Variants in CLGN observed in about 807,000 individuals in gnomAD.
CLGN encodes calmegin.
A neutral mutation model predicts 79.1 loss-of-function variants in CLGN; 62 were observed. That is an observed-to-expected ratio of 0.78 (90% CI 0.64 to 0.97). The LOEUF (loss-of-function observed/expected upper bound fraction) is 0.97, where lower values mean the gene tolerates loss of function less well. Among genes scored for constraint, CLGN ranks in the 50% least tolerant of loss-of-function variants. The pLI, the probability that CLGN is intolerant of heterozygous loss-of-function variation, is 0.00. For missense variants in CLGN, 647 were observed against 715.5 expected (o/e 0.90, Z 1.09); for synonymous variants, 225 against 224.7 (o/e 1.00, Z -0.01).
chr4:140,390,600 A>G (rs1322638887), intron 14 of CLGN, 28 bp downstream of exon 14: 2 of 1,487,916 alleles, frequency 1.3e-6, no homozygotes, highest in Non-Finnish European at 1.8e-6. Context: ...TAACAACTAT[A>G]CATAGAAACC....
chr4:140,399,079 G>C, intron 7 of CLGN, 39 bp from the exon 8 acceptor site: 1 of 1,498,478 alleles, frequency 6.7e-7, no homozygotes, highest in Non-Finnish European at 9.1e-7. Context: ...TTATCATTTT[G>C]ATATACGCTT....
At chr4:140,411,035 T>C (rs980424008) in intron 2 of CLGN, among the ~76,000 whole-genome samples, 10 of 152,020 alleles carry the variant, frequency 6.6e-5, no homozygotes, top group African/African-American at 2.4e-4. Flanking sequence ...TAAAAGATAA[T>C]AATATAATTT....
chr4:140,392,779 CA>C, intron 11 of CLGN, 68 bp from the exon 12 acceptor site: 9 of 1,411,988 alleles, frequency 6.4e-6, no homozygotes, highest in South Asian at 1.7e-5. Context: ...ACACAAGATA[CA>C]AAAAAACTTA....
intron 7 of CLGN, 29 bp from the exon 8 acceptor site, chr4:140,399,069 T>C: frequency 6.5e-7 from 1 of 1,545,804 alleles, no homozygotes; most frequent in South Asian, 1.2e-5. Flanking sequence ...TAAATTATAG[T>C]TATCATTTTG....
At position 140,398,853 on chromosome 4, in the gene CLGN, G is replaced by T. The variant is rs760549858; in HGVS notation, c.882C>A (p.Asp294Glu). The change falls in exon 8 of 15, where the codon GAC (aspartate) becomes GAA (glutamate). Residue 294 changes from aspartate (D) to glutamate (E), a missense_variant and splice_region_variant. Transcript: ENST00000325617. ...IPDPSAVKPE[D>E]WDESEPAQIE... is the part of the protein sequence containing the mutation. Reference sequence around the variant, plus strand: ...TTGCTACCGAATTATTTGCTTACCAGTCTTCTGGTTTGACGGCAGAAGGAT... The same window carrying T: ...TTGCTACCGAATTATTTGCTTACCATTCTTCTGGTTTGACGGCAGAAGGAT... 2 of 1,613,292 alleles carry T rather than the reference G, an allele frequency of 1.2e-6. No homozygotes were observed. The highest frequency in any genetic ancestry group is 2.2e-5 in the South Asian group (2 of 90,970).
At chr4:140,398,699 A>G (rs898025823) in intron 8 of CLGN, 152 bp downstream of exon 8, 1 of 582,918 alleles carries the variant, frequency 1.7e-6, no homozygotes, top group Non-Finnish European at 2.8e-6. Flanking sequence ...GAAGTGTAAA[A>G]TCCATTTTAG....
At chr4:140,395,759 A>T in intron 10 of CLGN, 60 bp downstream of exon 10, 1 of 1,309,028 alleles carries the variant, frequency 7.6e-7, no homozygotes, top group Non-Finnish European at 9.9e-7. Flanking sequence ...TTAGATATTT[A>T]AATAGAAAAG....
chr4:140,393,466 A>C (rs569786792), intron 11 of CLGN, among the ~76,000 whole-genome samples: 3 of 152,228 alleles, frequency 2.0e-5, no homozygotes, highest in African/African-American at 7.2e-5. Flanking sequence ...TCTAAGTAAA[A>C]AATAGTTAAA....
chr4:140,392,219 C>G lies in CLGN; in HGVS notation c.1651G>C (p.Glu551Gln), dbSNP rs1728785958. Residue 551 changes from glutamate to glutamine, a missense_variant and splice_region_variant, in exon 13 of 15, where the codon GAA (glutamate) becomes CAA (glutamine). Glu to Gln is a conservative substitution (Grantham distance 29). Transcript: ENST00000325617. ...TTATAAATCACTCTCATCATCTTAC[C>G]TTTTTCAAGCATTTCACCATCATTT... The part of the protein sequence containing the change: ...KQNDGEMLEK[E>Q]EESEPEEKSE... 1 of 1,611,882 alleles carries G rather than the reference C, an allele frequency of 6.2e-7. No individual in the cohort carries two copies. The highest frequency in any genetic ancestry group is 8.5e-7 in the Non-Finnish European group (1 of 1,179,110).
At chr4:140,415,717 T>C (rs1335037319) in intron 1 of CLGN, among the ~76,000 whole-genome samples, 1 of 139,862 alleles carries the variant, frequency 7.1e-6, no homozygotes, top group Non-Finnish European at 1.6e-5. Flanking sequence ...CTGAGTGACC[T>C]ACAAAGAGAC....
At chr4:140,398,361 C>T (rs571545081) in intron 8 of CLGN, among the ~76,000 whole-genome samples, 136 of 149,906 alleles carry the variant, frequency 9.1e-4, no homozygotes, top group Middle Eastern at 3.5e-3. Flanking sequence ...CCTCTGCCTC[C>T]TGGGTTCAAG....
Position 140,400,480 on chromosome 4 carries a change from G to A in CLGN, c.571C>T (p.Leu191Phe), listed in dbSNP as rs747278452. The change falls in exon 7 of 15, where the codon CTT becomes TTT. Residue 191 changes from leucine to phenylalanine, a missense_variant. Physicochemically the swap from Leu to Phe is conservative, Grantham distance 22 (BLOSUM62 0). Transcript: ENST00000325617. ...TGTTTATGTCTGAAGATAAAATGAA[G>A]TTTATAATCTTCTCCACATTTATCT... ...GPDKCGEDYK[L>F]HFIFRHKHPK... is the part of the protein sequence containing the mutation. 1.9e-6 allele frequency: 3 copies of A among 1,604,288 alleles called. No homozygotes were observed. In the South Asian group the frequency reaches 3.3e-5, roughly 18 times the overall value.
intron 8 of CLGN, among the ~76,000 whole-genome samples, chr4:140,397,957 C>T (rs912284718): frequency 8.5e-5 from 13 of 152,070 alleles, no homozygotes; most frequent in Admixed American, 4.6e-4. Flanking sequence ...AGTATATAAA[C>T]ATAAAGTACT....
chr4:140,395,314 T>G (rs779675985), intron 10 of CLGN, among the ~76,000 whole-genome samples: 1 of 151,994 alleles, frequency 6.6e-6, no homozygotes, highest in Non-Finnish European at 1.5e-5. Flanking sequence ...ATCTGGCTAA[T>G]TTTTTGTATT....
chr4:140,392,779 C>CA, intron 11 of CLGN, 68 bp from the exon 12 acceptor site: 1 of 1,411,996 alleles, frequency 7.1e-7, no homozygotes, highest in African/African-American at 1.5e-5. Context: ...ACACAAGATA[C>CA]AAAAAAACTT....
In CLGN at chr4:140,396,084, G is replaced by C; in HGVS notation, c.998+8C>G. On this transcript the variant is annotated splice_region_variant and intron_variant, in intron 9 of 14. Transcript: ENST00000325617. ...TGAAATCGACATTTGAAGATGAAGA[G>C]TGCTTACCAGTCATCAGGTTTTTCA... 3 of 1,612,738 alleles carry C rather than the reference G, an allele frequency of 1.9e-6. No homozygotes were observed. The African/African-American group carries it at 4.0e-5, about 21-fold the overall frequency.
At chr4:140,420,167 T>C (rs1729436510) in intron 1 of CLGN, among the ~76,000 whole-genome samples, 1 of 152,168 alleles carries the variant, frequency 6.6e-6, no homozygotes, top group Non-Finnish European at 1.5e-5. Context: ...AACTCTGGTG[T>C]ACTGGGCTGC....
chr4:140,424,944 A>G (rs1020947078), intron 1 of CLGN, among the ~76,000 whole-genome samples: 3 of 152,194 alleles, frequency 2.0e-5, no homozygotes, highest in Admixed American at 6.5e-5. Flanking sequence ...ACTTTAAATA[A>G]TTACACCAAT....
At chr4:140,405,253 C>T (rs1170428961) in intron 5 of CLGN, among the ~76,000 whole-genome samples, 3 of 138,586 alleles carry the variant, frequency 2.2e-5, no homozygotes, top group Non-Finnish European at 3.1e-5. Flanking sequence ...GGCGGGATCT[C>T]GGCTCACTGC....
Sources: allele counts gnomAD v4.1 joint callset (sites outside exome capture counted in the v4.1 genomes callset), GRCh38; gene constraint gnomAD v4.1.1; transcripts MANE v1.5; gene names NCBI Gene and HGNC (gene_info 2026-07-23, HGNC 2026-07-21).